Variants in XKR4 observed in about 807,000 individuals in gnomAD.
The protein encoded by XKR4 is XK related 4.
XKR4 carries 12 observed loss-of-function variants against 53.9 expected under a neutral mutation model. The ratio of observed to expected loss-of-function variants is 0.22; its 90% CI spans 0.14 to 0.36. The LOEUF (loss-of-function observed/expected upper bound fraction) is 0.36, where lower values mean the gene tolerates loss of function less well. Among genes scored for constraint, XKR4 ranks in the 10% least tolerant of loss-of-function variants. The pLI, the probability that XKR4 is intolerant of heterozygous loss-of-function variation, is 1.00. For synonymous variants in XKR4, 354 were observed against 362.4 expected (o/e 0.98, Z 0.26); for missense variants, 799 against 859.5 (o/e 0.93, Z 0.88).
intron 2 of XKR4, among the ~76,000 whole-genome samples, chr8:55,466,279 C>T (rs1370168962): frequency 2.0e-5 from 3 of 151,928 alleles, no homozygotes; most frequent in African/African-American, 7.3e-5. Flanking sequence ...AAATGTGGCA[C>T]ATACACCCTG....
chr8:55,464,326 A>G (rs1473303828), intron 2 of XKR4, among the ~76,000 whole-genome samples: 1 of 152,150 alleles, frequency 6.6e-6, no homozygotes, highest in Admixed American at 6.5e-5. Context: ...TTCAACATAC[A>G]CAAATCAATA....
chr8:55,261,339 A>G (rs540873639), intron 1 of XKR4, among the ~76,000 whole-genome samples: 5 of 152,346 alleles, frequency 3.3e-5, no homozygotes, highest in African/African-American at 1.2e-4. Flanking sequence ...CCATATATAG[A>G]TCTAACTAGC....
At chr8:55,439,342 C>T (rs1461676428) in intron 2 of XKR4, among the ~76,000 whole-genome samples, 1 of 152,086 alleles carries the variant, frequency 6.6e-6, no homozygotes, top group Non-Finnish European at 1.5e-5. Flanking sequence ...AATCAAAATT[C>T]TCTAAACAGG....
intron 2 of XKR4, among the ~76,000 whole-genome samples, chr8:55,460,516 G>A (rs1213418456): frequency 6.6e-6 from 1 of 152,242 alleles, no homozygotes; most frequent in Admixed American, 6.5e-5. Context: ...CAAGATGGCT[G>A]AATAGGAACA....
intron 1 of XKR4, among the ~76,000 whole-genome samples, chr8:55,111,352 A>G (rs1816227454): frequency 6.6e-6 from 1 of 152,148 alleles, no homozygotes; most frequent in Admixed American, 6.6e-5. Context: ...TGCTCTTATT[A>G]TACATTCTTT....
chr8:55,449,440 G>A, intron 2 of XKR4: 2 of 762,712 alleles, frequency 2.6e-6, no homozygotes, highest in Admixed American at 2.2e-5. Context: ...AACATGGCCA[G>A]GGCTGCCCTG....
intron 1 of XKR4, among the ~76,000 whole-genome samples, chr8:55,260,978 A>G (rs955959153): frequency 2.0e-5 from 3 of 152,130 alleles, no homozygotes; most frequent in Admixed American, 1.3e-4. Flanking sequence ...TAGAAAAGAA[A>G]ATGATTTGGG....
At chr8:55,208,453 T>C (rs772610309) in intron 1 of XKR4, among the ~76,000 whole-genome samples, 3 of 152,096 alleles carry the variant, frequency 2.0e-5, no homozygotes, top group Non-Finnish European at 4.4e-5. Flanking sequence ...AAGTTTCTCA[T>C]TGTTATAGTT....
chr8:55,145,757 A>G (rs950048494), intron 1 of XKR4, among the ~76,000 whole-genome samples: 3 of 152,226 alleles, frequency 2.0e-5, no homozygotes, highest in Non-Finnish European at 4.4e-5. Context: ...GTACATTTCT[A>G]TTGTCCTTAA....
chr8:55,103,075 T>G lies in XKR4; in HGVS notation c.587T>G (p.Val196Gly). 1.2e-6 allele frequency: 2 copies of G among 1,612,872 alleles called. No homozygotes were observed. Among genetic ancestry groups the G allele is most frequent in the Non-Finnish European group, 1.7e-6 (2 of 1,179,740 alleles). The change falls in exon 1 of 3, where the codon GTC becomes GGC. Residue 196 changes from valine (V) to glycine (G), a missense_variant. Val to Gly is a moderately radical substitution (Grantham distance 109). Transcript: ENST00000327381. Reference protein sequence around the residue: ...PQPGADCKTVVGGGSAAGEGE... With the variant: ...PQPGADCKTVGGGGSAAGEGE... ...CCTGGAGCCGATTGCAAGACGGTGG[T>G]CGGCGGTGGGTCTGCAGCCGGGGAA...
At chr8:55,356,045 A>G (rs754097728) in intron 1 of XKR4, among the ~76,000 whole-genome samples, 6 of 152,222 alleles carry the variant, frequency 3.9e-5, no homozygotes, top group Non-Finnish European at 8.8e-5. Flanking sequence ...AGCTCAGGAA[A>G]TATTATCCCT....
At chr8:55,477,740 G>A (rs923405661) in intron 2 of XKR4, among the ~76,000 whole-genome samples, 2 of 152,092 alleles carry the variant, frequency 1.3e-5, no homozygotes, top group East Asian at 1.9e-4. Context: ...GCCAAGGCTC[G>A]AGAACTACGT....
chr8:55,401,352 G>A (rs926062151), intron 2 of XKR4, among the ~76,000 whole-genome samples: 3 of 152,224 alleles, frequency 2.0e-5, no homozygotes, highest in African/African-American at 7.2e-5. Context: ...GAATCTTCAG[G>A]AGAGGAAAGG....
intron 1 of XKR4, among the ~76,000 whole-genome samples, chr8:55,348,492 C>G (rs1367278581): frequency 6.6e-6 from 1 of 152,174 alleles, no homozygotes; most frequent in Non-Finnish European, 1.5e-5. Context: ...GACTGCTTGG[C>G]TTTTCTCTTC....
chr8:55,284,761 C>A (rs1390976252), intron 1 of XKR4, among the ~76,000 whole-genome samples: 2 of 152,288 alleles, frequency 1.3e-5, no homozygotes, highest in African/African-American at 2.4e-5. Context: ...ACGAGTCCCA[C>A]CTACACTAAA....
rs542784748 is a variant in XKR4 at position 55,521,780 on chromosome 8, G to A, written c.1007-1501G>A. Among the ~76,000 whole-genome samples, 8 of 152,266 alleles carry A rather than the reference G, an allele frequency of 5.3e-5. No individual in the cohort carries two copies. The South Asian group carries it at 1.5e-3, about 28-fold the overall frequency. ...ATTAGTGTGGTCTTTTTCCACAAGA[G>A]TACTTTCTTTTCATTTTTCAAGGAT... On this transcript the variant is annotated intron_variant, in intron 2 of 2. Transcript: ENST00000327381.
chr8:55,257,109 C>T (rs1310397104), intron 1 of XKR4, among the ~76,000 whole-genome samples: 2 of 152,136 alleles, frequency 1.3e-5, no homozygotes, highest in Admixed American at 1.3e-4. Context: ...TAGGTTCCAA[C>T]ATAGGAATTT....
At chr8:55,201,280 A>G (rs966264753) in intron 1 of XKR4, among the ~76,000 whole-genome samples, 1 of 152,244 alleles carries the variant, frequency 6.6e-6, no homozygotes, top group Admixed American at 6.5e-5. Context: ...TTGTGGCTGC[A>G]GTTGAATTGA....
chr8:55,410,706 C>G (rs570237180), intron 2 of XKR4, among the ~76,000 whole-genome samples: 2 of 152,246 alleles, frequency 1.3e-5, no homozygotes, highest in East Asian at 1.9e-4. Flanking sequence ...TCTCTCTTAC[C>G]TAAATCCACC....
Sources: gnomAD v4.1 joint callset for allele counts (sites outside exome capture counted in the v4.1 genomes callset) on GRCh38, gnomAD v4.1.1 for gene constraint, MANE v1.5 for transcripts, NCBI Gene and HGNC (gene_info 2026-07-23, HGNC 2026-07-21) for gene names.